RABGAP1: variants seen among roughly 807,000 people sequenced by gnomAD.
RABGAP1 encodes the protein rab GTPase-activating protein 1.
Under a neutral mutation model 137.6 loss-of-function variants are expected in RABGAP1, and 23 were observed. That is an observed-to-expected ratio of 0.17 (90% confidence interval 0.12 to 0.24). The LOEUF (loss-of-function observed/expected upper bound fraction) is 0.24. RABGAP1 is among the 10% of genes least tolerant of loss of function. RABGAP1 has a pLI of 1.00. For missense variants in RABGAP1, 906 were observed against 1,275.8 expected (o/e 0.71, Z 4.42); for synonymous variants, 451 against 450.7 (o/e 1.00, Z -0.01).
At chr9:123,020,732 C>G (rs1255058266) in intron 13 of RABGAP1, among the ~76,000 whole-genome samples, 1 of 152,096 alleles carries the variant, frequency 6.6e-6, no homozygotes, top group East Asian at 1.9e-4. Flanking sequence ...TTTAGTCAAA[C>G]AACTTGTGCT....
chr9:122,934,100 CAG>C, the RABGAP1 span, among the ~76,000 whole-genome samples: 1 of 145,718 alleles, frequency 6.9e-6, no homozygotes, highest in South Asian at 2.2e-4. Context: ...TTTTTTGAGA[CAG>C]AGTCTCGCTC....
intron 2 of RABGAP1, among the ~76,000 whole-genome samples, chr9:122,962,361 C>G (rs1053207242): frequency 3.3e-5 from 5 of 151,078 alleles, no homozygotes. Flanking sequence ...ACAAACAAAC[C>G]CCCACAAATC....
At chr9:122,966,680 A>G (rs1435542304) in intron 2 of RABGAP1, among the ~76,000 whole-genome samples, 1 of 152,198 alleles carries the variant, frequency 6.6e-6, no homozygotes, top group African/African-American at 2.4e-5. Context: ...AACTGAGAAG[A>G]AAGAACTCTT....
intron 25 of RABGAP1, 22 bp downstream of exon 25, chr9:123,101,785 C>G: frequency 6.4e-7 from 1 of 1,555,068 alleles, no homozygotes; most frequent in East Asian, 2.3e-5. Context: ...AGAGCTCAGA[C>G]ATGTGCCTGC....
At position 122,968,220 on chromosome 9, in the gene RABGAP1, C is replaced by CTT. The variant is rs1008036959; in HGVS notation, c.150+11030_150+11031dup. Among the ~76,000 whole-genome samples the CTT allele has an allele frequency of 2.1e-3, 264 of 122,870 alleles. 2 individuals carry two copies. The highest frequency in any genetic ancestry group is 3.2e-3 in the Non-Finnish European group (183 of 57,420). 80.6% of individuals were successfully genotyped at this position (122,870 alleles called of 152,430 possible). On this transcript the variant is annotated intron_variant, in intron 2 of 25. Transcript: ENST00000373647. ...TGTGTTACAAACAATTCAATTCTAC[C>CTT]TTTTTTTTTTTTTTTTTTTTGAGGT...
intron 10 of RABGAP1, among the ~76,000 whole-genome samples, chr9:123,008,017 T>C (rs1237354341): frequency 1.3e-5 from 2 of 151,216 alleles, no homozygotes; most frequent in Non-Finnish European, 2.9e-5. Flanking sequence ...ACATATATAA[T>C]TCAAAAAGCT....
At chr9:122,967,796 G>A (rs1835249203) in intron 2 of RABGAP1, among the ~76,000 whole-genome samples, 1 of 151,496 alleles carries the variant, frequency 6.6e-6, no homozygotes, top group South Asian at 2.1e-4. Flanking sequence ...AGGCTGGAGT[G>A]CAGTGGCATG....
intron 2 of RABGAP1, among the ~76,000 whole-genome samples, chr9:122,984,135 T>A (rs1468282013): frequency 6.6e-6 from 1 of 152,216 alleles, no homozygotes; most frequent in African/African-American, 2.4e-5. Context: ...CACTAAGATG[T>A]TCTTCTTAAA....
At chr9:123,085,662 C>G (rs998408966) in intron 19 of RABGAP1, among the ~76,000 whole-genome samples, 2 of 152,100 alleles carry the variant, frequency 1.3e-5, no homozygotes, top group African/African-American at 4.8e-5. Context: ...CCCTTGCTTC[C>G]CGAATTCAAT....
intron 13 of RABGAP1, among the ~76,000 whole-genome samples, chr9:123,050,943 T>TTTTG (rs1163782351): frequency 6.6e-6 from 1 of 152,152 alleles, no homozygotes; most frequent in Non-Finnish European, 1.5e-5. Context: ...GCAGGGTTTT[T>TTTTG]TTTGTTTGTT....
chr9:122,936,583 C>T (rs1250849740), upstream of RABGAP1, among the ~76,000 whole-genome samples: 1 of 152,150 alleles, frequency 6.6e-6, no homozygotes. Flanking sequence ...ATTCCTGGTG[C>T]GGCTTGCTGG....
intron 4 of RABGAP1, among the ~76,000 whole-genome samples, chr9:122,987,738 G>A (rs1442707848): frequency 2.0e-5 from 3 of 152,122 alleles, no homozygotes; most frequent in Non-Finnish European, 1.5e-5. Context: ...GGGAATATCA[G>A]TGTTTTATAA....
chr9:122,971,280 G>T (rs1194334605), intron 2 of RABGAP1, among the ~76,000 whole-genome samples: 1 of 152,180 alleles, frequency 6.6e-6, no homozygotes, highest in Non-Finnish European at 1.5e-5. Flanking sequence ...TATGTTTAGA[G>T]TTTGAATTTA....
chr9:122,985,122 A>G (rs1320292556), intron 3 of RABGAP1, among the ~76,000 whole-genome samples: 1 of 152,206 alleles, frequency 6.6e-6, no homozygotes, highest in Non-Finnish European at 1.5e-5. Flanking sequence ...GCAGTTGCCA[A>G]GTTGAAAAAG....
At chr9:123,062,131 G>A (rs2033996933) in intron 13 of RABGAP1, 1 of 152,262 alleles carries the variant, frequency 6.6e-6, no homozygotes, top group South Asian at 2.1e-4. Flanking sequence ...AGCCAGGCGT[G>A]GTGGCACATG....
chr9:122,998,841 C>G (rs1324375485), intron 10 of RABGAP1, 75 bp downstream of exon 10: 4 of 986,102 alleles, frequency 4.1e-6, no homozygotes, highest in Admixed American at 2.7e-5. Flanking sequence ...TTTCTAAGCC[C>G]TCAGATCTTT....
intron 1 of RABGAP1, among the ~76,000 whole-genome samples, chr9:122,945,147 C>CTTTTTTTTTCTTTT: frequency 1.3e-5 from 1 of 75,826 alleles, no homozygotes; most frequent in South Asian, 7.3e-4. Context: ...ATAGCTGTTG[C>CTTTTTTTTTCTTTT]TTTTTTTTTT....
At position 123,076,539 on chromosome 9, in the gene RABGAP1, T is replaced by G. The variant is rs141942619; in HGVS notation, c.2296-95T>G. On this transcript the variant is annotated intron_variant, in intron 18 of 25. Transcript: ENST00000373647. ...AAGCTAAGAAGTATCTTCTGGGGAT[T>G]GTAAAAGTGCTGAAAAGTGCTGAGA... 4.9e-4 allele frequency: 681 copies of G among 1,378,190 alleles called. 3 individuals are homozygous for G. Among genetic ancestry groups the G allele is most frequent in the Admixed American group, 3.6e-3 (146 of 40,238 alleles). 85.4% of individuals were successfully genotyped at this position (1,378,190 alleles called of 1,614,324 possible). A position where few individuals can be genotyped will look rare whatever the true frequency, so the allele number is the denominator to read the frequency against.
chr9:122,933,624 T>G, the RABGAP1 span, among the ~76,000 whole-genome samples: 1 of 151,860 alleles, frequency 6.6e-6, no homozygotes, highest in Non-Finnish European at 1.5e-5. Context: ...AGCTACTTTT[T>G]GTAAATTATT....
Sources: gnomAD v4.1 joint callset for allele counts (sites outside exome capture counted in the v4.1 genomes callset) on GRCh38, gnomAD v4.1.1 for gene constraint, MANE v1.5 for transcripts, NCBI Gene and HGNC (gene_info 2026-07-23, HGNC 2026-07-21) for gene names.